Variants in DLG2 observed in about 807,000 individuals in gnomAD.
The protein encoded by DLG2 is disks large homolog 2.
DLG2 carries 45 observed loss-of-function variants against 132.5 expected under a neutral mutation model. The ratio of observed to expected loss-of-function variants is 0.34; its 90% CI spans 0.27 to 0.44. DLG2 has a LOEUF of 0.44. DLG2 is among the 20% of genes least tolerant of loss of function. DLG2 has a pLI of 1.00. For missense variants in DLG2, 1,045 were observed against 1,196.9 expected (o/e 0.87, Z 1.87); for synonymous variants, 424 against 419.6 (o/e 1.01, Z -0.13).
At chr11:84,317,024 C>T (rs757051154) in intron 7 of DLG2, 5 of 1,612,860 alleles carry the variant, frequency 3.1e-6, no homozygotes, top group Admixed American at 3.3e-5. Flanking sequence ...GAGCCCCTGA[C>T]AGTTCCTCTG....
chr11:85,042,209 G>T (rs1265661240), intron 6 of DLG2, among the ~76,000 whole-genome samples: 1 of 151,980 alleles, frequency 6.6e-6, no homozygotes, highest in Non-Finnish European at 1.5e-5. Context: ...AGATCTATAT[G>T]TCAGCTAGAT....
At chr11:84,076,504 G>A (rs1397466064) in intron 10 of DLG2, among the ~76,000 whole-genome samples, 2 of 152,154 alleles carry the variant, frequency 1.3e-5, no homozygotes, top group South Asian at 2.1e-4. Context: ...GATAAGTTAA[G>A]CAACTTACTC....
intron 20 of DLG2, among the ~76,000 whole-genome samples, chr11:83,533,143 C>T (rs566402858): frequency 6.6e-6 from 1 of 152,084 alleles, no homozygotes; most frequent in South Asian, 2.1e-4. Flanking sequence ...ACAAGTTTCT[C>T]CTCCCCTCTC....
intron 5 of DLG2, among the ~76,000 whole-genome samples, chr11:85,145,115 A>G (rs1394664751): frequency 6.8e-6 from 1 of 147,978 alleles, no homozygotes; most frequent in Admixed American, 6.7e-5. Flanking sequence ...AAGTTGTTTC[A>G]TTTTTTTTTT....
At chr11:84,101,639 T>A (rs2092535713) in intron 9 of DLG2, among the ~76,000 whole-genome samples, 1 of 152,078 alleles carries the variant, frequency 6.6e-6, no homozygotes, top group African/African-American at 2.4e-5. Flanking sequence ...TTTAGGGGAC[T>A]TAATGAGGCA....
At chr11:84,200,999 A>C (rs2096584886) in intron 8 of DLG2, among the ~76,000 whole-genome samples, 1 of 152,180 alleles carries the variant, frequency 6.6e-6, no homozygotes, top group African/African-American at 2.4e-5. Flanking sequence ...AGAAGTGCTG[A>C]GAGAGGGCAT....
chr11:83,620,100 T>C (rs1224899412), intron 19 of DLG2, among the ~76,000 whole-genome samples: 2 of 152,196 alleles, frequency 1.3e-5, no homozygotes, highest in African/African-American at 4.8e-5. Context: ...TGTTTTTTCA[T>C]ATATATAAAA....
intron 4 of DLG2, among the ~76,000 whole-genome samples, chr11:85,178,333 A>G (rs1161609384): frequency 1.3e-5 from 2 of 152,058 alleles, no homozygotes; most frequent in African/African-American, 4.8e-5. Context: ...AATAACACAA[A>G]TATAGTAAAT....
At chr11:84,430,093 T>G (rs1293042854) in intron 7 of DLG2, among the ~76,000 whole-genome samples, 2 of 152,158 alleles carry the variant, frequency 1.3e-5, no homozygotes, top group East Asian at 1.9e-4. Context: ...CTCCACCACT[T>G]GTGACCTATG....
At chr11:83,748,336 C>T (rs1225258294) in intron 18 of DLG2, among the ~76,000 whole-genome samples, 1 of 152,140 alleles carries the variant, frequency 6.6e-6, no homozygotes, top group Non-Finnish European at 1.5e-5. Context: ...TCTCAGGATG[C>T]ATATAATCAA....
intron 6 of DLG2, among the ~76,000 whole-genome samples, chr11:84,827,715 C>CAAACTT: frequency 1.3e-5 from 1 of 79,698 alleles, no homozygotes; most frequent in East Asian, 3.1e-4. Flanking sequence ...GTCAGAAATA[C>CAAACTT]AAACTTAGAG....
At chr11:84,218,220 A>AAAGGAAGGAAGGAAGGAAAGG (rs994208683) in intron 8 of DLG2, among the ~76,000 whole-genome samples, 22 of 149,314 alleles carry the variant, frequency 1.5e-4, no homozygotes, top group African/African-American at 4.7e-4. Context: ...GGAAGGAAAG[A>AAAGGAAGGAAGGAAGGAAAGG]AAGGAAGGAA....
chr11:85,263,074 TC>T (rs1213917930), intron 4 of DLG2, among the ~76,000 whole-genome samples: 1 of 152,116 alleles, frequency 6.6e-6, no homozygotes, highest in East Asian at 1.9e-4. Context: ...AAAAGGGGGT[TC>T]CACTTATGTC....
intron 7 of DLG2, among the ~76,000 whole-genome samples, chr11:84,317,807 T>C (rs1027860901): frequency 7.9e-5 from 12 of 152,200 alleles, no homozygotes; most frequent in African/African-American, 2.9e-4. Flanking sequence ...CATAAATTCA[T>C]TTGGAAAAAT....
intron 7 of DLG2, among the ~76,000 whole-genome samples, chr11:84,482,636 T>TAA (rs2099140782): frequency 1.3e-5 from 2 of 152,180 alleles, no homozygotes; most frequent in African/African-American, 4.8e-5. Context: ...ATATAATGCC[T>TAA]AAGCATGGTA....
intron 6 of DLG2, among the ~76,000 whole-genome samples, chr11:85,101,413 C>T (rs1314140043): frequency 1.3e-5 from 2 of 152,120 alleles, no homozygotes; most frequent in Non-Finnish European, 2.9e-5. Flanking sequence ...GTTGTGAGCA[C>T]TGAAATACTG....
intron 6 of DLG2, among the ~76,000 whole-genome samples, chr11:84,697,493 A>G (rs1473373401): frequency 1.3e-5 from 2 of 151,560 alleles, no homozygotes; most frequent in Non-Finnish European, 3.0e-5. Context: ...TTTTTTTAGA[A>G]AAACACACAA....
intron 21 of DLG2, among the ~76,000 whole-genome samples, chr11:83,489,853 T>C (rs773303049): frequency 6.6e-6 from 1 of 151,936 alleles, no homozygotes; most frequent in Non-Finnish European, 1.5e-5. Flanking sequence ...ATGGATGTTG[T>C]TGGGAACCAG....
At chr11:83,467,580 C>A (rs1301647386) in intron 25 of DLG2, among the ~76,000 whole-genome samples, 1 of 151,252 alleles carries the variant, frequency 6.6e-6, no homozygotes, top group Non-Finnish European at 1.5e-5. Context: ...GAGACCCTGT[C>A]TCTGCTAAAA....
Sources: gnomAD v4.1 joint callset for allele counts (sites outside exome capture counted in the v4.1 genomes callset) on GRCh38, gnomAD v4.1.1 for gene constraint, MANE v1.5 for transcripts, NCBI Gene and HGNC (gene_info 2026-07-23, HGNC 2026-07-21) for gene names.